The following GLRA3 variants were observed in gnomAD, a reference collection of about 807,000 sequenced individuals.
GLRA3 encodes the protein glycine receptor alpha 3.
Under a neutral mutation model 60.4 loss-of-function variants are expected in GLRA3, and 44 were observed. That is an observed-to-expected ratio of 0.73 (90% CI 0.57 to 0.94). The LOEUF (loss-of-function observed/expected upper bound fraction) is 0.94, where lower values mean the gene tolerates loss of function less well. GLRA3 is among the 40% of genes least tolerant of loss of function. The probability of loss-of-function intolerance (pLI) is 0.00; values close to 1 mark genes in which losing one functional copy is unlikely to be tolerated. For missense variants in GLRA3, 508 were observed against 564.6 expected (o/e 0.90, Z 1.02); for synonymous variants, 223 against 192.9 (o/e 1.16, Z -1.29).
intron 7 of GLRA3, among the ~76,000 whole-genome samples, chr4:174,675,597 T>TTAC (rs1734088543): frequency 6.6e-6 from 1 of 152,170 alleles, no homozygotes. Flanking sequence ...AAATTTCCAC[T>TTAC]ATTACCCAGA....
intron 4 of GLRA3, among the ~76,000 whole-genome samples, chr4:174,715,841 CT>C (rs540400069): frequency 7.8e-4 from 119 of 152,186 alleles, no homozygotes; most frequent in African/African-American, 2.7e-3. Context: ...ACAGCAATTA[CT>C]TTTGCACTAA....
chr4:174,770,516 C>T (rs763875517), intron 2 of GLRA3, among the ~76,000 whole-genome samples: 13 of 151,966 alleles, frequency 8.6e-5, no homozygotes, highest in Non-Finnish European at 1.8e-4. Context: ...TCATTAAAAG[C>T]GTTGCCTATT....
chr4:174,815,418 T>C (rs9991343), intron 1 of GLRA3, among the ~76,000 whole-genome samples: 2,001 of 152,302 alleles, frequency 0.013, 37 homozygotes, highest in African/African-American at 0.045. Flanking sequence ...CTAGGTGATG[T>C]CTCAGTAGGG....
intron 5 of GLRA3, among the ~76,000 whole-genome samples, chr4:174,687,873 T>G (rs1351501190): frequency 6.6e-6 from 1 of 152,172 alleles, no homozygotes; most frequent in Non-Finnish European, 1.5e-5. Context: ...CCATTCAAAG[T>G]GCAAGGTAGA....
intron 1 of GLRA3, among the ~76,000 whole-genome samples, chr4:174,808,849 A>G (rs1740151587): frequency 6.6e-6 from 1 of 152,226 alleles, no homozygotes. Context: ...GATATAAAGA[A>G]TACATTTTAT....
At chr4:174,661,497 T>C (rs1429981009) in intron 7 of GLRA3, among the ~76,000 whole-genome samples, 1 of 152,192 alleles carries the variant, frequency 6.6e-6, no homozygotes, top group Non-Finnish European at 1.5e-5. Context: ...CACCTCATTT[T>C]TGGTTCTTAT....
chr4:174,751,958 A>T (rs1223627635), intron 3 of GLRA3, among the ~76,000 whole-genome samples: 1 of 152,142 alleles, frequency 6.6e-6, no homozygotes, highest in Non-Finnish European at 1.5e-5. Context: ...ATAATGAAAA[A>T]AAGTGTTGAG....
intron 7 of GLRA3, among the ~76,000 whole-genome samples, chr4:174,675,150 A>G (rs1397239094): frequency 6.6e-6 from 1 of 152,132 alleles, no homozygotes; most frequent in East Asian, 1.9e-4. Context: ...CACACCTGTC[A>G]TCACATTTTT....
chr4:174,689,045 G>A (rs1734677121), intron 5 of GLRA3, among the ~76,000 whole-genome samples: 1 of 152,136 alleles, frequency 6.6e-6, no homozygotes, highest in Non-Finnish European at 1.5e-5. Context: ...TCAGGTATAA[G>A]AGACATTCAA....
At chr4:174,732,258 A>G (rs1343699405) in intron 3 of GLRA3, among the ~76,000 whole-genome samples, 2 of 151,930 alleles carry the variant, frequency 1.3e-5, no homozygotes, top group Non-Finnish European at 2.9e-5. Context: ...GGGAGGCTGA[A>G]GCAGGAGAGA....
intron 3 of GLRA3, among the ~76,000 whole-genome samples, chr4:174,745,917 A>G (rs1737226985): frequency 6.6e-6 from 1 of 152,160 alleles, no homozygotes; most frequent in East Asian, 1.9e-4. Flanking sequence ...CACTATCATT[A>G]AGGAAATTCA....
At chr4:174,739,997 C>A (rs1010191938) in intron 3 of GLRA3, among the ~76,000 whole-genome samples, 1 of 152,252 alleles carries the variant, frequency 6.6e-6, no homozygotes, top group East Asian at 1.9e-4. Context: ...TATTCTGTAT[C>A]GCCTCTGTAG....
intron 7 of GLRA3, among the ~76,000 whole-genome samples, chr4:174,674,570 TCTTA>T (rs1253977441): frequency 2.0e-5 from 3 of 152,132 alleles, no homozygotes; most frequent in Non-Finnish European, 2.9e-5. Context: ...ATTCTCTGAG[TCTTA>T]CTTAAGCAAT....
At chr4:174,726,788 T>C in intron 4 of GLRA3, among the ~76,000 whole-genome samples, 1 of 151,802 alleles carries the variant, frequency 6.6e-6, no homozygotes, top group East Asian at 1.9e-4. Flanking sequence ...AAAAAGTATG[T>C]CTGTTCCATC....
chr4:174,789,903 A>T (rs1466223569), intron 1 of GLRA3, among the ~76,000 whole-genome samples: 1 of 152,168 alleles, frequency 6.6e-6, no homozygotes, highest in Admixed American at 6.5e-5. Context: ...ACATTGCCAA[A>T]TCAAACCATT....
chr4:174,788,222 GTTAC>G (rs1473823926), intron 2 of GLRA3, among the ~76,000 whole-genome samples: 1 of 151,968 alleles, frequency 6.6e-6, no homozygotes, highest in African/African-American at 2.4e-5. Context: ...ATATAAACAT[GTTAC>G]TTACAACTAT....
At chr4:174,715,699 T>C (rs1306856315) in intron 4 of GLRA3, 129 bp from the exon 5 acceptor site, 1 of 526,984 alleles carries the variant, frequency 1.9e-6, no homozygotes, top group Admixed American at 3.2e-5. Flanking sequence ...CCAGCTTATG[T>C]ATCCTACTTA....
intron 2 of GLRA3, 77 bp downstream of exon 2, chr4:174,788,739 G>T: frequency 2.2e-6 from 2 of 917,324 alleles, no homozygotes; most frequent in Non-Finnish European, 3.1e-6. Context: ...TAGAATTTCT[G>T]GTGGAATTAA....
intron 9 of GLRA3, among the ~76,000 whole-genome samples, chr4:174,652,639 T>C (rs992925308): frequency 1.3e-5 from 2 of 152,148 alleles, no homozygotes; most frequent in Non-Finnish European, 2.9e-5. Context: ...TGTATGTCTC[T>C]TTTCATTTTA....
Sources: gnomAD v4.1 joint callset for allele counts (sites outside exome capture counted in the v4.1 genomes callset) on GRCh38, gnomAD v4.1.1 for gene constraint, MANE v1.5 for transcripts, NCBI Gene and HGNC (gene_info 2026-07-23, HGNC 2026-07-21) for gene names.